Variants in FADS3 observed in about 807,000 individuals in gnomAD.
FADS3 encodes the protein cytochrome b5-related protein.
Under a neutral mutation model 60.4 loss-of-function variants are expected in FADS3, and 30 were observed. That is an observed-to-expected ratio of 0.50 (90% CI 0.37 to 0.67). The LOEUF (loss-of-function observed/expected upper bound fraction) is 0.67. FADS3 is among the 30% of genes least tolerant of loss of function. The pLI is 0.00. For synonymous variants in FADS3, 234 were observed against 249.3 expected (o/e 0.94, Z 0.58); for missense variants, 432 against 598.3 (o/e 0.72, Z 2.90).
intron 1 of FADS3, chr11:61,880,415 C>T (rs1938086864): frequency 1.3e-5 from 4 of 304,340 alleles, no homozygotes; most frequent in African/African-American, 4.3e-5. Context: ...CACGGTCAAA[C>T]ATCTGCAGCT....
At position 61,876,685 on chromosome 11, in the gene FADS3, C is replaced by T. The variant is rs1038057756; in HGVS notation, c.983+181G>A. ...ACCGGGCCACTTACAAGCCAGGCCA[C>T]GCTCCCTAAACCCACCGACCCTGGG... On this transcript the variant is annotated intron_variant, in intron 8 of 11. Coordinates refer to ENST00000278829, the MANE Select transcript of FADS3 (RefSeq NM_021727.5). This position sits in a 1 kb window ranked among gnomAD's most constrained non-coding sequence, Gnocchi z 5.7. 2.2e-5 allele frequency: 15 copies of T among 678,964 alleles called. No individual in the cohort carries two copies. Among genetic ancestry groups the T allele is most frequent in the African/African-American group, 1.4e-4 (8 of 56,228 alleles). The allele number at this position is 678,964 out of a possible 1,614,324, so 42.1% of individuals were successfully genotyped here.
chr11:61,887,084 C>T (rs1369805973), intron 1 of FADS3, among the ~76,000 whole-genome samples: 1 of 152,268 alleles, frequency 6.6e-6, no homozygotes, highest in Non-Finnish European at 1.5e-5. Flanking sequence ...GGTAACCAGG[C>T]ACCCAGGTGC....
At chr11:61,883,223 C>G (rs917219607) in intron 1 of FADS3, among the ~76,000 whole-genome samples, 1 of 152,182 alleles carries the variant, frequency 6.6e-6, no homozygotes, top group South Asian at 2.1e-4. Flanking sequence ...TCTCCTCCCC[C>G]TGCCCCGGCA....
chr11:61,876,470 G>A lies in FADS3; in HGVS notation c.984-15C>T, dbSNP rs780576712. The A allele has an allele frequency of 2.1e-5, 34 of 1,607,850 alleles. No homozygotes were observed. Among genetic ancestry groups the A allele is most frequent in the African/African-American group, 5.3e-5 (4 of 74,786 alleles). The stretch of plus-strand genomic sequence containing the variant: ...TTTCCAGGACCCTGTGGGGAGGCTC[G>A]GGCACTGCCCTAGGTCCAGCTCACC... On this transcript the variant is annotated splice_polypyrimidine_tract_variant and intron_variant, in intron 8 of 11. Coordinates refer to ENST00000278829, the MANE Select transcript of FADS3 (RefSeq NM_021727.5). This position sits in a 1 kb window ranked among gnomAD's most constrained non-coding sequence, Gnocchi z 5.7.
chr11:61,879,608 G>C (rs1938049202), intron 2 of FADS3, 99 bp from the exon 3 acceptor site: 16 of 1,195,878 alleles, frequency 1.3e-5, no homozygotes, highest in Non-Finnish European at 1.6e-5. Flanking sequence ...GGCCCAAGGG[G>C]TGTGGGCAAA....
Position 61,876,745 on chromosome 11 carries a change from G to A in FADS3, c.983+121C>T, listed in dbSNP as rs1423893873. ...CGCTTGTGTTTATGTGATTCCACCAGCAAGCCAGGGAGGCAGTACCACTGG... is the reference window on the plus strand; with the variant it reads ...CGCTTGTGTTTATGTGATTCCACCAACAAGCCAGGGAGGCAGTACCACTGG... On this transcript the variant is annotated intron_variant, in intron 8 of 11. Coordinates refer to ENST00000278829, the MANE Select transcript of FADS3 (RefSeq NM_021727.5). The surrounding 1 kb of genome is among the most constrained non-coding windows in gnomAD (Gnocchi z 5.7). 1 of 865,144 alleles carries A rather than the reference G, an allele frequency of 1.2e-6. No individual in the cohort carries two copies. The allele number at this position is 865,144 out of a possible 1,614,324, so 53.6% of individuals were successfully genotyped here.
Position 61,878,857 on chromosome 11 carries a change from G to A in FADS3, c.523-10C>T, listed in dbSNP as rs191385221. On this transcript the variant is annotated splice_polypyrimidine_tract_variant and intron_variant, in intron 3 of 11. Coordinates refer to ENST00000278829, the MANE Select transcript of FADS3 (RefSeq NM_021727.5). Reference sequence around the variant, plus strand: ...GACACCAGGACTGAGCCTGGGGAGAGAGGCAGGGTCAGAAGCTGTTGGGAA... The same window carrying A: ...GACACCAGGACTGAGCCTGGGGAGAAAGGCAGGGTCAGAAGCTGTTGGGAA... 5 of 1,612,940 alleles carry A rather than the reference G, an allele frequency of 3.1e-6. No individual in the cohort carries two copies. The highest frequency in any genetic ancestry group is 1.7e-5 in the Admixed American group (1 of 59,970).
chr11:61,879,584 T>C, intron 2 of FADS3, 75 bp from the exon 3 acceptor site: 1 of 1,415,484 alleles, frequency 7.1e-7, no homozygotes, highest in Middle Eastern at 2.1e-4. Flanking sequence ...CCCCAGCCGC[T>C]CCTCCCATCG....
At chr11:61,881,402 T>A (rs992261578) in intron 1 of FADS3, 4 of 152,224 alleles carry the variant, frequency 2.6e-5, no homozygotes, top group African/African-American at 4.8e-5. Context: ...GCCTGTGGTC[T>A]TGGTATTGTA....
intron 5 of FADS3, 86 bp downstream of exon 5, chr11:61,878,426 G>A: frequency 6.4e-7 from 1 of 1,551,380 alleles, no homozygotes. Flanking sequence ...CAGGGGCTAG[G>A]TCAGGGGCAG....
At chr11:61,888,607 C>G (rs1197685253) in intron 1 of FADS3, among the ~76,000 whole-genome samples, 1 of 152,202 alleles carries the variant, frequency 6.6e-6, no homozygotes, top group Non-Finnish European at 1.5e-5. Flanking sequence ...TAAGGTCACC[C>G]AGGAAAGGGG....
Position 61,877,086 on chromosome 11 carries a change from G to A in FADS3, c.886-123C>T. On this transcript the variant is annotated intron_variant, in intron 7 of 11. Transcript: ENST00000278829. This position sits in a 1 kb window ranked among gnomAD's most constrained non-coding sequence, Gnocchi z 4.7. ...CTGCCTGATTTGCCTCAGAGCCCAG[G>A]ACAGGCCACCACCCTCTCTGGTTTT... 3.1e-6 allele frequency: 2 copies of A among 649,788 alleles called. No individual in the cohort carries two copies. The highest frequency in any genetic ancestry group is 5.9e-5 in the Admixed American group (2 of 33,972). 40.3% of individuals were successfully genotyped at this position (649,788 alleles called of 1,614,324 possible).
chr11:61,875,932 G>A lies in FADS3; in HGVS notation c.1205C>T (p.Pro402Leu), dbSNP rs142762433. 3.7e-6 allele frequency: 6 copies of A among 1,613,794 alleles called. No individual in the cohort carries two copies. The highest frequency in any genetic ancestry group is 2.2e-5 in the South Asian group (2 of 91,090). The change falls in exon 11 of 12, where the codon CCG (proline) becomes CTG (leucine). Residue 402 changes from proline to leucine, a missense_variant. Pro to Leu is a moderately conservative substitution (Grantham distance 98, BLOSUM62 -3). This residue lies in a region of FADS3 where 63 missense variants were observed against 64.5 expected (regional missense o/e 0.98). Transcript: ENST00000278829. Reference protein sequence around the residue: ...MPRHNYSRVAPLVKSLCAKHG... With the variant: ...MPRHNYSRVALLVKSLCAKHG... Reference sequence around the variant, plus strand: ...CTTGGCACACAGCGACTTGACCAGCGGGGCCACCCGGCTGTAGTTGTGTCT... The same window carrying A: ...CTTGGCACACAGCGACTTGACCAGCAGGGCCACCCGGCTGTAGTTGTGTCT...
intron 1 of FADS3, among the ~76,000 whole-genome samples, chr11:61,889,723 T>G (rs111247800): frequency 0.014 from 2,147 of 151,942 alleles, 45 homozygotes; most frequent in African/African-American, 0.046. Context: ...AGGCCGGGAG[T>G]GGTGGCTCAT....
rs1937930930 is a variant in FADS3 at position 61,877,245 on chromosome 11, A to G, written c.885+266T>C. ...GATGCCTGGCAGAGTCAGCCCAGCA[A>G]CTCCTCCTGGGAAGACACCCTCACC... On this transcript the variant is annotated intron_variant, in intron 7 of 11. Transcript: ENST00000278829. This position sits in a 1 kb window ranked among gnomAD's most constrained non-coding sequence, Gnocchi z 4.7. The G allele has an allele frequency of 2.1e-6, 1 of 482,814 alleles. No individual in the cohort carries two copies. Among genetic ancestry groups the G allele is most frequent in the Non-Finnish European group, 3.7e-6 (1 of 267,120 alleles). 29.9% of individuals were successfully genotyped at this position (482,814 alleles called of 1,614,324 possible). A position where few individuals can be genotyped will look rare whatever the true frequency, so the allele number is the denominator to read the frequency against.
Position 61,873,700 on chromosome 11 carries a change from G to A in FADS3, c.*114C>T. Reference sequence around the variant, plus strand: ...GAGGGGAAGACAACAGTACCAGGAGGGCAGGCAGGGCACCCCCAGGCTGGC... The same window carrying A: ...GAGGGGAAGACAACAGTACCAGGAGAGCAGGCAGGGCACCCCCAGGCTGGC... On this transcript the variant is annotated 3_prime_UTR_variant, in exon 12 of 12. Transcript: ENST00000278829. The A allele has an allele frequency of 1.3e-6, 1 of 746,924 alleles. No homozygotes were observed. Among genetic ancestry groups the A allele is most frequent in the East Asian group, 2.7e-5 (1 of 37,536 alleles). The allele number at this position is 746,924 out of a possible 1,614,324, so 46.3% of individuals were successfully genotyped here. A position where few individuals can be genotyped will look rare whatever the true frequency, so the allele number is the denominator to read the frequency against.
chr11:61,875,072 G>A lies in FADS3; in HGVS notation c.1286+779C>T, dbSNP rs141145327. Among the ~76,000 whole-genome samples, 450 of 152,284 alleles carry A rather than the reference G, an allele frequency of 3.0e-3. 2 individuals are homozygous for A. Among genetic ancestry groups the A allele is most frequent in the Middle Eastern group, 0.014 (4 of 294 alleles). Reference sequence around the variant, plus strand: ...GCATAGATAACCTCCTCTTGTAGACGCTTATCTAACCTCCAGTGGTCACCA... The same window carrying A: ...GCATAGATAACCTCCTCTTGTAGACACTTATCTAACCTCCAGTGGTCACCA... On this transcript the variant is annotated intron_variant, in intron 11 of 11. Coordinates refer to ENST00000278829, the MANE Select transcript of FADS3 (RefSeq NM_021727.5).
chr11:61,875,832 G>C lies in FADS3; in HGVS notation c.1286+19C>G. 6.2e-7 allele frequency: 1 copy of C among 1,609,326 alleles called. No homozygotes were observed. The highest frequency in any genetic ancestry group is 8.5e-7 in the Non-Finnish European group (1 of 1,177,430). ...CCTGGGGAAGCCACCAGAACAGAGG[G>C]GCCGGGCTGCAGCCTCACCTGACGA... is the stretch of plus-strand genomic sequence containing the variant. On this transcript the variant is annotated intron_variant, in intron 11 of 11. Transcript: ENST00000278829.
At chr11:61,882,114 T>G (rs1378262565) in intron 1 of FADS3, 30 of 133,092 alleles carry the variant, frequency 2.3e-4, no homozygotes, top group African/African-American at 6.8e-4. Context: ...TTTTTTTTTT[T>G]TTTTTTTTTT....
Sources: allele counts gnomAD v4.1 joint callset (sites outside exome capture counted in the v4.1 genomes callset), GRCh38; gene constraint gnomAD v4.1.1; regional missense constraint gnomAD v4.1.1; non-coding constraint Gnocchi (gnomAD v3.1); transcripts MANE v1.5; gene names NCBI Gene and HGNC (gene_info 2026-07-23, HGNC 2026-07-21).